The following FAM149A variants were observed in gnomAD, a reference collection of about 807,000 sequenced individuals.
The protein encoded by FAM149A is protein FAM149A.
Under a neutral mutation model 78.2 loss-of-function variants are expected in FAM149A, and 71 were observed. The observed-to-expected ratio is 0.91, with a 90% confidence interval of 0.75 to 1.11. The LOEUF (loss-of-function observed/expected upper bound fraction) is 1.11, where lower values mean the gene tolerates loss of function less well. Ranked by LOEUF, FAM149A falls within the 50% of genes least tolerant of loss-of-function variation. The pLI is 0.00. For synonymous variants in FAM149A, 446 were observed against 410.5 expected, an observed-to-expected ratio of 1.09 and a Z score of -1.04; for missense variants, 1,036 against 971.0, an observed-to-expected ratio of 1.07 and a Z score of -0.89.
intron 1 of FAM149A, chr4:186,145,126 G>T (rs1423070754): frequency 1.0e-6 from 1 of 985,486 alleles, no homozygotes; most frequent in Non-Finnish European, 1.2e-6. Flanking sequence ...AGTCTCATCC[G>T]GCAGCAGGGC....
At chr4:186,124,745 G>A (rs1329393298) in intron 1 of FAM149A, among the ~76,000 whole-genome samples, 1 of 152,158 alleles carries the variant, frequency 6.6e-6, no homozygotes, top group Non-Finnish European at 1.5e-5. Context: ...TGTCTTTATA[G>A]CAGCATGATT....
At chr4:186,117,490 G>T in intron 1 of FAM149A, 1 of 985,404 alleles carries the variant, frequency 1.0e-6, no homozygotes, top group Middle Eastern at 5.2e-4. Context: ...AACGAGGGGC[G>T]ATGTCAGGGG....
intron 8 of FAM149A, 98 bp downstream of exon 8, chr4:186,157,817 G>A (rs1007622892): frequency 3.2e-6 from 5 of 1,562,014 alleles, no homozygotes; most frequent in African/African-American, 1.4e-5. Flanking sequence ...GATATTTGGG[G>A]CTGCTTTCCA....
rs909287781 is a variant in FAM149A at position 186,109,093 on chromosome 4, C to T, written c.566+3451C>T. ...CGATCTCCTGACCTTGTAATTTGCCCGCCTCGGCCTCCCGAAGTGCTGGGA... is the reference window on the plus strand; with the variant it reads ...CGATCTCCTGACCTTGTAATTTGCCTGCCTCGGCCTCCCGAAGTGCTGGGA... On this transcript the variant is annotated intron_variant, in intron 1 of 13. Coordinates refer to ENST00000389354, the MANE Select transcript of FAM149A (RefSeq NM_001367768.3). 18 of 638,040 alleles carry T rather than the reference C, an allele frequency of 2.8e-5. No individual in the cohort carries two copies. In the Admixed American group the frequency reaches 3.2e-4, roughly 11 times the overall value. 39.5% of individuals were successfully genotyped at this position (638,040 alleles called of 1,614,324 possible). A position where few individuals can be genotyped will look rare whatever the true frequency, so the allele number is the denominator to read the frequency against.
chr4:186,113,652 T>C (rs572495167), intron 1 of FAM149A, among the ~76,000 whole-genome samples: 25 of 148,688 alleles, frequency 1.7e-4, no homozygotes, highest in Non-Finnish European at 3.6e-4. Context: ...TCGTTATGTA[T>C]CCAGTAGTCA....
At chr4:186,153,969 G>A (rs1733819195) in intron 5 of FAM149A, among the ~76,000 whole-genome samples, 199 bp downstream of exon 5, 1 of 152,192 alleles carries the variant, frequency 6.6e-6, no homozygotes, top group African/African-American at 2.4e-5. Flanking sequence ...TGTATATAGA[G>A]AGATGTGTAA....
chr4:186,166,361 C>T (rs1735024109), intron 11 of FAM149A, among the ~76,000 whole-genome samples: 1 of 152,164 alleles, frequency 6.6e-6, no homozygotes, highest in African/African-American at 2.4e-5. Context: ...CATCATTTTA[C>T]AAAAGGCAGC....
rs140813451 is a variant in FAM149A at position 186,167,201 on chromosome 4, A to C, written c.2157A>C (p.Lys719Asn). 22 of 1,610,646 alleles carry C rather than the reference A, an allele frequency of 1.4e-5. No individual in the cohort carries two copies. Among genetic ancestry groups the C allele is most frequent in the Non-Finnish European group, 1.9e-5 (22 of 1,176,896 alleles). ...TCCAGCAGTCGGATACGCCTCGAAAAAGTTCATTGACACAAATGGAATTTG... is the reference window on the plus strand; with the variant it reads ...TCCAGCAGTCGGATACGCCTCGAAACAGTTCATTGACACAAATGGAATTTG... The change falls in exon 13 of 14, where the codon AAA (lysine) becomes AAC (asparagine). Residue 719 changes from lysine to asparagine, a missense_variant. Lys to Asn is a moderately conservative substitution (Grantham distance 94). This residue lies in a region of FAM149A where 716 missense variants were observed against 711.8 expected (regional missense o/e 1.01). Coordinates refer to ENST00000389354, the MANE Select transcript of FAM149A (RefSeq NM_001367768.3).
At chr4:186,149,966 C>T (rs372099433) in intron 3 of FAM149A, among the ~76,000 whole-genome samples, 1 of 152,148 alleles carries the variant, frequency 6.6e-6, no homozygotes, top group East Asian at 1.9e-4. Flanking sequence ...GCCGGCTCTC[C>T]GGGTGTGTGC....
At chr4:186,168,148 C>G (rs936984741) in intron 13 of FAM149A, among the ~76,000 whole-genome samples, 1 of 152,190 alleles carries the variant, frequency 6.6e-6, no homozygotes, top group Non-Finnish European at 1.5e-5. Context: ...ATCAGCCCTC[C>G]TGTCGTCCTG....
At chr4:186,125,396 AAGCAGCCCT>A (rs1324356792) in intron 1 of FAM149A, 3 of 928,720 alleles carry the variant, frequency 3.2e-6, no homozygotes, top group East Asian at 2.3e-4. Context: ...CTGCTGAGGG[AAGCAGCCCT>A]AGGCAGCCCC....
intron 7 of FAM149A, among the ~76,000 whole-genome samples, chr4:186,157,229 A>G (rs1734105189): frequency 6.6e-6 from 1 of 152,264 alleles, no homozygotes; most frequent in South Asian, 2.1e-4. Context: ...ATGGACATTA[A>G]TGACCAGTTT....
At chr4:186,108,751 G>T (rs2099309848) in intron 1 of FAM149A, among the ~76,000 whole-genome samples, 1 of 151,950 alleles carries the variant, frequency 6.6e-6, no homozygotes. Flanking sequence ...TTATGCCTCA[G>T]TGTTTTTCAG....
intron 1 of FAM149A, chr4:186,130,293 C>CTCTATATATATATATATATATA: frequency 2.1e-5 from 1 of 46,592 alleles, no homozygotes; most frequent in African/African-American, 9.0e-5. Context: ...CTCTCTCTCT[C>CTCTATATATATATATATATATA]TATATATATA....
At position 186,165,303 on chromosome 4, in the gene FAM149A, C is replaced by T. The variant is rs771205150; in HGVS notation, c.1890-41C>T. The T allele has an allele frequency of 6.2e-6, 10 of 1,611,652 alleles. 1 individual carries two copies. The South Asian group carries it at 1.1e-4, about 18-fold the overall frequency. The stretch of plus-strand genomic sequence containing the variant: ...AGATTTCCTGTCACTTGCCAGTTAT[C>T]CATGTACCTGGGTGCTCAGTGACAT... On this transcript the variant is annotated intron_variant, in intron 10 of 13. Coordinates refer to ENST00000389354, the MANE Select transcript of FAM149A (RefSeq NM_001367768.3).
At chr4:186,154,966 T>TC in intron 6 of FAM149A, 1 of 867,978 alleles carries the variant, frequency 1.2e-6, no homozygotes. Context: ...CGTATTTTGT[T>TC]CTTTTTTTTT....
At chr4:186,118,071 G>A (rs1324716022) in intron 1 of FAM149A, 1 of 985,302 alleles carries the variant, frequency 1.0e-6, no homozygotes, top group East Asian at 1.1e-4. Context: ...GCCAGGCACG[G>A]GGCTGGACAT....
chr4:186,174,009 T>C lies in FAM149A; in HGVS notation c.*2022T>C, dbSNP rs531356960. Among the ~76,000 whole-genome samples the C allele has an allele frequency of 9.5e-4, 104 of 110,016 alleles. 34 individuals are homozygous for C. The Middle Eastern group carries it at 0.014, about 15-fold the overall frequency. The allele number at this position is 110,016 out of a possible 152,430, so 72.2% of individuals were successfully genotyped here. ...TGCTCAAAGCATGACCCACTTGCTC[T>C]TTCAGATCCACTCAGGGTATTTTAT... On this transcript the variant is annotated 3_prime_UTR_variant, in exon 14 of 14. Coordinates refer to ENST00000389354, the MANE Select transcript of FAM149A (RefSeq NM_001367768.3).
intron 8 of FAM149A, chr4:186,160,726 C>T (rs1734530161): frequency 2.2e-6 from 2 of 920,128 alleles, no homozygotes; most frequent in Admixed American, 1.3e-4. Flanking sequence ...ACACACACCT[C>T]ACCACACCCC....
Sources: allele counts gnomAD v4.1 joint callset (sites outside exome capture counted in the v4.1 genomes callset), GRCh38; gene constraint gnomAD v4.1.1; regional missense constraint gnomAD v4.1.1; transcripts MANE v1.5; gene names NCBI Gene and HGNC (gene_info 2026-07-23, HGNC 2026-07-21).